APMAP: variants seen among roughly 807,000 people sequenced by gnomAD.
The protein encoded by APMAP is adipocyte plasma membrane associated protein.
A neutral mutation model predicts 43.6 loss-of-function variants in APMAP; 33 were observed. That is an observed-to-expected ratio of 0.76 (90% CI 0.57 to 1.01). APMAP has a LOEUF of 1.01. Among genes scored for constraint, APMAP ranks in the 50% least tolerant of loss-of-function variants. The pLI, the probability that APMAP is intolerant of heterozygous loss-of-function variation, is 0.00. For synonymous variants in APMAP, 224 were observed against 216.7 expected (o/e 1.03, Z -0.30); for missense variants, 498 against 540.7 (o/e 0.92, Z 0.78).
intron 2 of APMAP, 144 bp downstream of exon 2, chr20:24,983,759 G>A (rs112903495): frequency 1.1e-4 from 59 of 544,986 alleles, no homozygotes; most frequent in African/African-American, 1.0e-3. Context: ...TAAAAACCCA[G>A]GTACTAAAGA....
chr20:24,986,831 G>A (rs1438251874), intron 1 of APMAP, among the ~76,000 whole-genome samples: 3 of 152,162 alleles, frequency 2.0e-5, no homozygotes, highest in East Asian at 1.9e-4. Flanking sequence ...CTATGGCTGC[G>A]GTCACCATTA....
intron 4 of APMAP, 63 bp from the exon 5 acceptor site, chr20:24,971,639 T>C (rs2088002039): frequency 1.5e-6 from 2 of 1,308,806 alleles, no homozygotes; most frequent in Non-Finnish European, 2.2e-6. Flanking sequence ...CTGTTCTCAG[T>C]ATCCAAGCAT....
rs115113016 is a variant in APMAP, at chr20:24,991,744, A to C, written c.95+850T>G. Among the ~76,000 whole-genome samples, 1,241 of 152,336 alleles carry C rather than the reference A, an allele frequency of 8.1e-3. 22 individuals are homozygous for C. Among genetic ancestry groups the C allele is most frequent in the African/African-American group, 0.028 (1,185 of 41,586 alleles). On this transcript the variant is annotated intron_variant, in intron 1 of 8. Coordinates refer to ENST00000217456, the MANE Select transcript of APMAP (RefSeq NM_020531.3). ...ATGGGGCCTCTTGATTCTCCCTGAA[A>C]CTTAAAAGTTATGAAATTCAGGACA...
intron 1 of APMAP, among the ~76,000 whole-genome samples, chr20:24,989,865 T>C (rs2088177294): frequency 6.6e-6 from 1 of 152,206 alleles, no homozygotes; most frequent in Non-Finnish European, 1.5e-5. Flanking sequence ...ACTTCCTCCC[T>C]TACTCTTCAG....
chr20:24,969,718 C>T lies in APMAP; in HGVS notation c.714-58G>A, dbSNP rs537835316. 3.1e-5 allele frequency: 48 copies of T among 1,565,722 alleles called. No individual in the cohort carries two copies. In the East Asian group the frequency reaches 1.1e-3, roughly 35 times the overall value. On this transcript the variant is annotated intron_variant, in intron 6 of 8. Transcript: ENST00000217456. ...GAGAATCCCTGGCTCCCACTCTGGG[C>T]CTTCAGGGTATGGGCCTGAAGAAGG...
chr20:24,983,542 A>G (rs1439110700), intron 2 of APMAP, among the ~76,000 whole-genome samples: 1 of 152,256 alleles, frequency 6.6e-6, no homozygotes, highest in Non-Finnish European at 1.5e-5. Flanking sequence ...TGGGTTTTGT[A>G]GAAAATCAGT....
At position 24,983,890 on chromosome 20, in the gene APMAP, C is replaced by T. The variant is rs368840746; in HGVS notation, c.212+13G>A. 8.3e-6 allele frequency: 13 copies of T among 1,575,200 alleles called. 1 individual carries two copies. The highest frequency in any genetic ancestry group is 7.8e-5 in the South Asian group (7 of 89,706). The stretch of plus-strand genomic sequence containing the variant: ...GTCAAGCAACCCCTCCTGAGGACTG[C>T]GGGGCAGCCTACCTGAGAGGCTGTG... On this transcript the variant is annotated intron_variant, in intron 2 of 8. Transcript: ENST00000217456.
At position 24,968,988 on chromosome 20, in the gene APMAP, C is replaced by A; in HGVS notation, c.945G>T (p.Gly315=). ...GGATGGTCGACATGCCCACCCAGTACCCCCCAGAGCTGCTGGGCCGGATGT... is the reference window on the plus strand; with the variant it reads ...GGATGGTCGACATGCCCACCCAGTAACCCCCAGAGCTGCTGGGCCGGATGT... ...PDNIRPSSSG[G]YWVGMSTIRP... is the part of the protein sequence containing the mutation. The change falls in exon 8 of 9, where the codon GGG becomes GGT. Residue 315 remains glycine, a synonymous_variant. Transcript: ENST00000217456. 1.2e-6 allele frequency: 2 copies of A among 1,613,836 alleles called. No homozygotes were observed. The highest frequency in any genetic ancestry group is 1.3e-5 in the African/African-American group (1 of 74,972).
chr20:24,981,845 C>A (rs530266484), intron 2 of APMAP, among the ~76,000 whole-genome samples: 2 of 152,234 alleles, frequency 1.3e-5, no homozygotes, highest in South Asian at 4.1e-4. Context: ...GAAAAATAAA[C>A]TTTTTGTTCC....
chr20:24,969,395 T>C, intron 7 of APMAP, 131 bp downstream of exon 7: 1 of 1,398,996 alleles, frequency 7.1e-7, no homozygotes, highest in Non-Finnish European at 9.7e-7. Context: ...ACCCTTGAAT[T>C]TTCTTTAACA....
chr20:24,971,586 C>A lies in APMAP; in HGVS notation c.422-10G>T, dbSNP rs1376385474. 1.2e-6 allele frequency: 2 copies of A among 1,609,306 alleles called. No homozygotes were observed. Among genetic ancestry groups the A allele is most frequent in the Non-Finnish European group, 1.7e-6 (2 of 1,175,636 alleles). ...TCATCATCTCGGGTTTCTAGAAAAACAAACAGATGGGGATTGGTAGCTGGT... is the reference window on the plus strand; with the variant it reads ...TCATCATCTCGGGTTTCTAGAAAAAAAAACAGATGGGGATTGGTAGCTGGT... On this transcript the variant is annotated splice_polypyrimidine_tract_variant and intron_variant, in intron 4 of 8. Transcript: ENST00000217456.
At chr20:24,981,899 T>A (rs2088107278) in intron 2 of APMAP, among the ~76,000 whole-genome samples, 1 of 152,246 alleles carries the variant, frequency 6.6e-6, no homozygotes, top group Non-Finnish European at 1.5e-5. Flanking sequence ...GACTGTGGGC[T>A]GAGAGGGCTG....
In APMAP at chr20:24,964,036, C is replaced by T. The variant is rs746303223; in HGVS notation, c.1042-14G>A. 1.7e-5 allele frequency: 28 copies of T among 1,613,604 alleles called. No individual in the cohort carries two copies. The highest frequency in any genetic ancestry group is 3.3e-4 in the Middle Eastern group (2 of 6,082). On this transcript the variant is annotated splice_polypyrimidine_tract_variant and intron_variant, in intron 8 of 8. Transcript: ENST00000217456. ...TTGACTAAAGAGCTAGAGGGAAGCA[C>T]AGTGCAGGGAAAGTTCACCAGCTGG...
intron 8 of APMAP, among the ~76,000 whole-genome samples, chr20:24,967,517 G>T (rs1236145535): frequency 6.6e-6 from 1 of 152,306 alleles, no homozygotes; most frequent in East Asian, 1.9e-4. Flanking sequence ...TGCAGGTGTG[G>T]AGGATGACAA....
At chr20:24,964,154 G>GC (rs1330597325) in intron 8 of APMAP, 132 bp from the exon 9 acceptor site, 1 of 963,492 alleles carries the variant, frequency 1.0e-6, no homozygotes, top group Non-Finnish European at 1.6e-6. Flanking sequence ...ACAGGGCAGT[G>GC]CCCCACAGGA....
In APMAP at chr20:24,973,645, T is replaced by A; in HGVS notation, c.421A>T (p.Lys141Ter). 1 of 1,613,340 alleles carries A rather than the reference T, an allele frequency of 6.2e-7. No homozygotes were observed. The highest frequency in any genetic ancestry group is 1.1e-5 in the South Asian group (1 of 91,048). ...TIARFGSGPC[K>*]TRDDEPVCGR... ...CATCGAGGGATTATCACCAACTTAC[T>A]GCAAGGGCCCGAACCAAACCGGGCA... Residue 141 changes from lysine (K) to a stop codon, truncating the protein, a stop_gained and splice_region_variant, in exon 4 of 9, where the codon AAA becomes TAA. Transcript: ENST00000217456. LOFTEE classifies it high-confidence loss of function.
intron 1 of APMAP, among the ~76,000 whole-genome samples, chr20:24,992,206 C>T (rs1002054286): frequency 6.6e-6 from 1 of 152,116 alleles, no homozygotes; most frequent in Non-Finnish European, 1.5e-5. Context: ...TAGCTGTGCT[C>T]AGGGGGATCA....
chr20:24,971,659 C>A, intron 4 of APMAP, 83 bp from the exon 5 acceptor site: 1 of 1,101,012 alleles, frequency 9.1e-7, no homozygotes, highest in Non-Finnish European at 1.4e-6. Flanking sequence ...TCTCATCCAT[C>A]CCTTCCCATA....
chr20:24,979,527 G>A (rs766989247), intron 2 of APMAP, among the ~76,000 whole-genome samples: 2 of 151,970 alleles, frequency 1.3e-5, no homozygotes, highest in East Asian at 1.9e-4. Flanking sequence ...AGTATGTCAC[G>A]CCTCCCAACC....
Sources: allele counts gnomAD v4.1 joint callset (sites outside exome capture counted in the v4.1 genomes callset), GRCh38; gene constraint gnomAD v4.1.1; transcripts MANE v1.5; gene names NCBI Gene and HGNC (gene_info 2026-07-23, HGNC 2026-07-21).